Variants in MYO16 observed in about 807,000 individuals in gnomAD.
MYO16 encodes unconventional myosin-XVI.
A neutral mutation model predicts 205.3 loss-of-function variants in MYO16; 94 were observed. The observed-to-expected ratio is 0.46, with a 90% CI of 0.39 to 0.54. The LOEUF is 0.54. Ranked by LOEUF, MYO16 falls within the 20% of genes least tolerant of loss-of-function variation. The pLI is 0.00. For missense variants in MYO16, 2,315 were observed against 2,387.5 expected, an observed-to-expected ratio of 0.97 and a Z score of 0.63; for synonymous variants, 988 against 954.0, an observed-to-expected ratio of 1.04 and a Z score of -0.66.
At chr13:108,619,116 T>G (rs1297423175) in intron 1 of MYO16, among the ~76,000 whole-genome samples, 1 of 152,150 alleles carries the variant, frequency 6.6e-6, no homozygotes, top group Non-Finnish European at 1.5e-5. Flanking sequence ...TGTAAGACTT[T>G]TATTTTGGTG....
chr13:108,977,028 A>G (rs1884288622), intron 20 of MYO16, among the ~76,000 whole-genome samples: 1 of 152,202 alleles, frequency 6.6e-6, no homozygotes, highest in African/African-American at 2.4e-5. Flanking sequence ...ATTATCGAAT[A>G]CATGTAATCT....
chr13:108,520,755 T>C, the MYO16 span, among the ~76,000 whole-genome samples: 1 of 152,234 alleles, frequency 6.6e-6, no homozygotes, highest in East Asian at 1.9e-4. Context: ...GAGATTATAA[T>C]AGAATCAAAG....
At chr13:108,665,421 T>C (rs1881681054) in intron 1 of MYO16, among the ~76,000 whole-genome samples, 1 of 152,160 alleles carries the variant, frequency 6.6e-6, no homozygotes, top group Non-Finnish European at 1.5e-5. Context: ...AGCATATATA[T>C]TCTATTACCT....
chr13:108,970,095 A>G lies in MYO16; in HGVS notation c.2369+5193A>G, dbSNP rs79685871. ...GGGGAACACGTTAAAATTACTGTTG[A>G]TCTGAAAGGGCAGCATTATGGATAA... On this transcript the variant is annotated intron_variant, in intron 20 of 34. Coordinates refer to ENST00000457511, the MANE Select transcript of MYO16 (RefSeq NM_001198950.3). 9.2e-3 allele frequency among the ~76,000 whole-genome samples: 1,403 copies of G among 152,302 alleles called. 21 individuals are homozygous for G. The highest frequency in any genetic ancestry group is 0.032 in the African/African-American group (1,323 of 41,566).
chr13:109,163,387 G>T (rs919947930), intron 32 of MYO16, among the ~76,000 whole-genome samples: 1 of 152,132 alleles, frequency 6.6e-6, no homozygotes, highest in Non-Finnish European at 1.5e-5. Flanking sequence ...ATAATGTCAA[G>T]GTAGGAGTTA....
intron 1 of MYO16, among the ~76,000 whole-genome samples, chr13:108,635,547 C>T (rs1038206067): frequency 2.0e-5 from 3 of 151,220 alleles, no homozygotes; most frequent in African/African-American, 7.3e-5. Flanking sequence ...GTCACCCAGG[C>T]TGGAGTGCAG....
the MYO16 span, among the ~76,000 whole-genome samples, chr13:108,568,019 G>A: frequency 0.39 from 59,496 of 151,986 alleles, 12,776 homozygotes; most frequent in East Asian, 0.56. Context: ...GTTCATCCAT[G>A]TTGTGGAATG....
chr13:108,531,905 T>G, the MYO16 span, among the ~76,000 whole-genome samples: 1 of 152,018 alleles, frequency 6.6e-6, no homozygotes, highest in Admixed American at 6.6e-5. Flanking sequence ...TAAAAGAGTA[T>G]GAGGTCATCA....
At position 109,100,819 on chromosome 13, in the gene MYO16, A is replaced by C. The variant is rs1366860022; in HGVS notation, c.3370A>C (p.Lys1124Gln). 6.2e-7 allele frequency: 1 copy of C among 1,613,546 alleles called. No individual in the cohort carries two copies. Among genetic ancestry groups the C allele is most frequent in the Non-Finnish European group, 8.5e-7 (1 of 1,179,662 alleles). The stretch of plus-strand genomic sequence containing the variant: ...ACTGGCTGATACATTCCTGCGTGAG[A>C]AGAAGGAACAGTCAGCTGCCGAGCG... ...KPLADTFLRE[K>Q]KEQSAAERCR... Residue 1124 changes from lysine (K) to glutamine (Q), a missense_variant, in exon 28 of 35, where the codon AAG (lysine) becomes CAG (glutamine). Transcript: ENST00000457511.
the MYO16 span, among the ~76,000 whole-genome samples, chr13:108,586,140 TAAC>T: frequency 6.6e-5 from 10 of 151,960 alleles, no homozygotes; most frequent in Admixed American, 6.6e-5. Context: ...AATTTACACA[TAAC>T]ACACACACAT....
chr13:109,022,103 A>C (rs1461521492), intron 23 of MYO16, among the ~76,000 whole-genome samples: 1 of 145,444 alleles, frequency 6.9e-6, no homozygotes, highest in East Asian at 2.0e-4. Flanking sequence ...TATACATATA[A>C]AACATATTTA....
At chr13:108,530,792 A>C in the MYO16 span, among the ~76,000 whole-genome samples, 994 of 152,304 alleles carry the variant, frequency 6.5e-3, 8 homozygotes, top group Non-Finnish European at 9.0e-3. Flanking sequence ...TATTATCACT[A>C]TATTTCCTAT....
At chr13:108,654,769 T>C (rs1053284153) in intron 1 of MYO16, among the ~76,000 whole-genome samples, 1 of 152,094 alleles carries the variant, frequency 6.6e-6, no homozygotes, top group Non-Finnish European at 1.5e-5. Flanking sequence ...TGGTCTCAGA[T>C]GGAGATGAGA....
In MYO16 at chr13:108,971,290, A is replaced by C. The variant is rs543168234; in HGVS notation, c.2369+6388A>C. Among the ~76,000 whole-genome samples, 287 of 151,728 alleles carry C rather than the reference A, an allele frequency of 1.9e-3. 2 individuals carry two copies. The highest frequency in any genetic ancestry group is 6.2e-3 in the African/African-American group (259 of 41,444). On this transcript the variant is annotated intron_variant, in intron 20 of 34. Coordinates refer to ENST00000457511, the MANE Select transcript of MYO16 (RefSeq NM_001198950.3). ...GAGTGTTCTCCAAATGCCTTCAAAC[A>C]TCAAAACCTATCATTTATTTCAACA...
intron 16 of MYO16, among the ~76,000 whole-genome samples, chr13:108,917,631 G>A (rs1215922106): frequency 6.6e-6 from 1 of 152,138 alleles, no homozygotes; most frequent in African/African-American, 2.4e-5. Flanking sequence ...GATTCGTATG[G>A]ATGTTTTCAA....
the MYO16 span, among the ~76,000 whole-genome samples, chr13:108,571,600 G>A: frequency 6.6e-6 from 1 of 152,100 alleles, no homozygotes; most frequent in Admixed American, 6.6e-5. Context: ...CTCTCTTTGA[G>A]TGAAAGAAGC....
chr13:108,743,275 A>G (rs1884964667), intron 4 of MYO16, among the ~76,000 whole-genome samples: 1 of 152,180 alleles, frequency 6.6e-6, no homozygotes, highest in African/African-American at 2.4e-5. Flanking sequence ...TTTGGGGTGG[A>G]AGTAATTTGA....
In MYO16 at chr13:108,888,416, T is replaced by C; in HGVS notation, c.1598T>C (p.Ile533Thr). The C allele has an allele frequency of 6.2e-7, 1 of 1,610,246 alleles. No homozygotes were observed. The highest frequency in any genetic ancestry group is 8.5e-7 in the Non-Finnish European group (1 of 1,178,526). ...AAGTCTGAAGCCAGCAAACAAATCATAAGACACCTCACCTGCAGGGCTGGC... is the reference window on the plus strand; with the variant it reads ...AAGTCTGAAGCCAGCAAACAAATCACAAGACACCTCACCTGCAGGGCTGGC... The part of the protein sequence containing the change: ...SGKSEASKQI[I>T]RHLTCRAGAS... Residue 533 changes from isoleucine to threonine, a missense_variant, in exon 14 of 35, where the codon ATA becomes ACA. By Grantham distance (89) the Ile-to-Thr change is moderately conservative. This residue lies in a region of MYO16 where 1,213 missense variants were observed against 1,274.4 expected (regional missense o/e 0.95). Coordinates refer to ENST00000457511, the MANE Select transcript of MYO16 (RefSeq NM_001198950.3).
At chr13:108,734,383 C>G (rs1039480688) in intron 4 of MYO16, among the ~76,000 whole-genome samples, 11 of 152,112 alleles carry the variant, frequency 7.2e-5, no homozygotes, top group Non-Finnish European at 1.5e-4. Context: ...CGCTTCCTCA[C>G]AATTTCAGCA....
Sources: allele counts gnomAD v4.1 joint callset (sites outside exome capture counted in the v4.1 genomes callset), GRCh38; gene constraint gnomAD v4.1.1; regional missense constraint gnomAD v4.1.1; transcripts MANE v1.5; gene names NCBI Gene and HGNC (gene_info 2026-07-23, HGNC 2026-07-21).